Variants in DAAM1 observed in about 807,000 individuals in gnomAD.
DAAM1 encodes disheveled-associated activator of morphogenesis 1.
Under a neutral mutation model 130.0 loss-of-function variants are expected in DAAM1, and 52 were observed. The ratio of observed to expected loss-of-function variants is 0.40; its 90% CI spans 0.32 to 0.50. DAAM1 has a LOEUF of 0.50. Ranked by LOEUF, DAAM1 falls within the 20% of genes least tolerant of loss-of-function variation. DAAM1 has a pLI of 0.61. For synonymous variants in DAAM1, 452 were observed against 444.5 expected, an observed-to-expected ratio of 1.02 and a Z score of -0.21; for missense variants, 1,134 against 1,303.8, an observed-to-expected ratio of 0.87 and a Z score of 2.01.
At chr14:59,347,900 C>G (rs928760813) in intron 17 of DAAM1, among the ~76,000 whole-genome samples, 5 of 152,196 alleles carry the variant, frequency 3.3e-5, no homozygotes, top group Admixed American at 3.3e-4. Context: ...CTCAGTAAAT[C>G]ATATAAATCT....
intron 1 of DAAM1, among the ~76,000 whole-genome samples, chr14:59,255,199 C>A (rs1881823156): frequency 6.6e-6 from 1 of 152,224 alleles, no homozygotes; most frequent in Non-Finnish European, 1.5e-5. Flanking sequence ...GTTCCAGGAG[C>A]CACTCCAAGA....
In DAAM1 at chr14:59,296,713, G is replaced by A. The variant is rs1441137968; in HGVS notation, c.273+5407G>A. ...AGTTGATGTTGTGCTTTGATCCCGTGATCTAGAAACTGGCTCCTTTTTCAA... is the reference window on the plus strand; with the variant it reads ...AGTTGATGTTGTGCTTTGATCCCGTAATCTAGAAACTGGCTCCTTTTTCAA... On this transcript the variant is annotated intron_variant, in intron 3 of 24. Coordinates refer to ENST00000360909, the MANE Select transcript of DAAM1 (RefSeq NM_001270520.2). Among the ~76,000 whole-genome samples the A allele has an allele frequency of 6.4e-4, 97 of 152,138 alleles. 1 individual carries two copies. The highest frequency in any genetic ancestry group is 1.2e-4 in the Non-Finnish European group (8 of 68,012).
chr14:59,308,874 A>G (rs549934519), intron 3 of DAAM1, among the ~76,000 whole-genome samples: 2 of 152,288 alleles, frequency 1.3e-5, no homozygotes, highest in East Asian at 3.9e-4. Flanking sequence ...TGGCAGATGA[A>G]GAAGCCACTG....
intron 16 of DAAM1, among the ~76,000 whole-genome samples, chr14:59,342,189 G>C (rs1885875336): frequency 6.6e-6 from 1 of 152,184 alleles, no homozygotes; most frequent in African/African-American, 2.4e-5. Flanking sequence ...TTAAAATCCA[G>C]TTTAGTGTAT....
intron 1 of DAAM1, among the ~76,000 whole-genome samples, chr14:59,227,073 T>G (rs1483653899): frequency 1.3e-5 from 2 of 152,196 alleles, no homozygotes; most frequent in Non-Finnish European, 2.9e-5. Flanking sequence ...AACTGACTGT[T>G]TTGAATTAAA....
intron 2 of DAAM1, among the ~76,000 whole-genome samples, chr14:59,286,963 T>G (rs1883490086): frequency 2.0e-5 from 3 of 152,040 alleles, no homozygotes; most frequent in Admixed American, 6.6e-5. Context: ...TACCAAAGAC[T>G]GGCAGAGACA....
At position 59,359,456 on chromosome 14, in the gene DAAM1, T is replaced by C. The variant is rs751026399; in HGVS notation, c.2585T>C (p.Leu862Pro). Residue 862 changes from leucine (L) to proline (P), a missense_variant, in exon 21 of 25, where the codon CTC becomes CCC. By Grantham distance (98) the Leu-to-Pro change is moderately conservative (BLOSUM62 -3). Coordinates refer to ENST00000360909, the MANE Select transcript of DAAM1 (RefSeq NM_001270520.2). ...GTGGAAAATAAGTACCCCAGTGTTC[T>C]CAATCTAAATGAAGAATTGCGAGAT... is the stretch of plus-strand genomic sequence containing the variant. Reference protein sequence around the residue: ...TIVENKYPSVLNLNEELRDIP... With the variant: ...TIVENKYPSVPNLNEELRDIP... The C allele has an allele frequency of 4.3e-6, 7 of 1,613,832 alleles. No homozygotes were observed. In the Admixed American group the frequency reaches 1.2e-4, roughly 27 times the overall value.
At chr14:59,359,246 A>C (rs1387084095) in intron 20 of DAAM1, 151 bp from the exon 21 acceptor site, 3 of 577,342 alleles carry the variant, frequency 5.2e-6, no homozygotes, top group Non-Finnish European at 8.9e-6. Context: ...TGATCCTCCA[A>C]ATTTTGAAGT....
chr14:59,330,334 C>T (rs905152102), intron 12 of DAAM1, among the ~76,000 whole-genome samples, 167 bp from the exon 13 acceptor site: 5 of 152,146 alleles, frequency 3.3e-5, no homozygotes, highest in African/African-American at 9.7e-5. Flanking sequence ...CAAGCACAAA[C>T]ATCATTTAGC....
chr14:59,266,390 A>G (rs937970947), intron 2 of DAAM1, among the ~76,000 whole-genome samples: 1 of 152,216 alleles, frequency 6.6e-6, no homozygotes, highest in Non-Finnish European at 1.5e-5. Flanking sequence ...GTCTCCCAAA[A>G]TGAGAGCGAG....
At chr14:59,268,487 G>A (rs780463212) in intron 2 of DAAM1, among the ~76,000 whole-genome samples, 5 of 152,074 alleles carry the variant, frequency 3.3e-5, no homozygotes, top group Non-Finnish European at 4.4e-5. Flanking sequence ...GTTTCTCCAC[G>A]TCTTTGCCAA....
chr14:59,308,048 A>G (rs1320060816), intron 3 of DAAM1, among the ~76,000 whole-genome samples: 1 of 152,238 alleles, frequency 6.6e-6, no homozygotes, highest in African/African-American at 2.4e-5. Flanking sequence ...ATTCTAAGTC[A>G]TAAATGTTAT....
chr14:59,315,226 A>G, intron 3 of DAAM1, 54 bp from the exon 4 acceptor site: 1 of 1,520,070 alleles, frequency 6.6e-7, no homozygotes, highest in Non-Finnish European at 9.1e-7. Flanking sequence ...ATGTGTTTCT[A>G]GGTGCTGTGT....
At chr14:59,307,790 TA>T (rs908369024) in intron 3 of DAAM1, among the ~76,000 whole-genome samples, 3 of 152,130 alleles carry the variant, frequency 2.0e-5, no homozygotes, top group Admixed American at 1.3e-4. Context: ...TCTGGAGGTG[TA>T]AAAAACAATG....
rs565304460 is a variant in DAAM1, at chr14:59,233,400, A to AT, written c.-37-30034dup. Reference sequence around the variant, plus strand: ...TTCTCTAATGATCAGTGATGATGAGATTTTTTTCCTATATTTGTTGGCTGC... The same window carrying AT: ...TTCTCTAATGATCAGTGATGATGAGATTTTTTTTCCTATATTTGTTGGCTGC... On this transcript the variant is annotated intron_variant, in intron 1 of 24. Transcript: ENST00000360909. 3.6e-3 allele frequency among the ~76,000 whole-genome samples: 551 copies of AT among 152,000 alleles called. 6 individuals are homozygous for AT. Among genetic ancestry groups the AT allele is most frequent in the Non-Finnish European group, 2.1e-3 (143 of 67,956 alleles).
At chr14:59,345,353 G>A (rs1390298104) in intron 16 of DAAM1, among the ~76,000 whole-genome samples, 1 of 152,164 alleles carries the variant, frequency 6.6e-6, no homozygotes, top group Non-Finnish European at 1.5e-5. Flanking sequence ...GGTTATAATG[G>A]CAACACAGCT....
rs571827076 is a variant in DAAM1 at position 59,317,829 on chromosome 14, A to C, written c.345+2478A>C. Among the ~76,000 whole-genome samples, 5 of 152,250 alleles carry C rather than the reference A, an allele frequency of 3.3e-5. No homozygotes were observed. The South Asian group carries it at 1.0e-3, about 32-fold the overall frequency. ...AAGACTCCTTTCCAATTTGCCTCTC[A>C]CTAATTCAGTTTTTGAAACCCTGTG... On this transcript the variant is annotated intron_variant, in intron 4 of 24. Coordinates refer to ENST00000360909, the MANE Select transcript of DAAM1 (RefSeq NM_001270520.2).
chr14:59,276,820 T>C (rs2139533226), intron 2 of DAAM1, among the ~76,000 whole-genome samples: 1 of 152,206 alleles, frequency 6.6e-6, no homozygotes, highest in Non-Finnish European at 1.5e-5. Flanking sequence ...CACAATCACA[T>C]ACAAATAGCG....
In DAAM1 at chr14:59,278,309, T is replaced by C. The variant is rs538250945; in HGVS notation, c.184-12908T>C. Reference sequence around the variant, plus strand: ...CGGGTGAACCTGGCTCATGGAACCATGAGGATGCTGATGGTTAGATATTCA... The same window carrying C: ...CGGGTGAACCTGGCTCATGGAACCACGAGGATGCTGATGGTTAGATATTCA... On this transcript the variant is annotated intron_variant, in intron 2 of 24. Coordinates refer to ENST00000360909, the MANE Select transcript of DAAM1 (RefSeq NM_001270520.2). 2.3e-3 allele frequency among the ~76,000 whole-genome samples: 349 copies of C among 152,148 alleles called. 1 individual carries two copies. Among genetic ancestry groups the C allele is most frequent in the African/African-American group, 7.9e-3 (328 of 41,526 alleles).
Sources: gnomAD v4.1 joint callset for allele counts (sites outside exome capture counted in the v4.1 genomes callset) on GRCh38, gnomAD v4.1.1 for gene constraint, MANE v1.5 for transcripts, NCBI Gene and HGNC (gene_info 2026-07-23, HGNC 2026-07-21) for gene names.